SRF: variants seen among roughly 807,000 people sequenced by gnomAD.
The protein encoded by SRF is serum response factor.
In SRF, 7 loss-of-function variants were observed where a neutral mutation model predicts 37.1. The ratio of observed to expected loss-of-function variants is 0.19; its 90% CI spans 0.11 to 0.35. The LOEUF is 0.35. SRF is among the 10% of genes least tolerant of loss of function. The pLI is 1.00. For synonymous variants in SRF, 285 were observed against 310.1 expected, an observed-to-expected ratio of 0.92 and a Z score of 0.85; for missense variants, 395 against 694.4, an observed-to-expected ratio of 0.57 and a Z score of 4.85.
At position 43,179,006 on chromosome 6, in the gene SRF, C is replaced by T. The variant is rs1241261679; in HGVS notation, c.1432-89C>T. On this transcript the variant is annotated intron_variant, in intron 6 of 6. Coordinates refer to ENST00000265354, the MANE Select transcript of SRF (RefSeq NM_003131.4). This position sits in a 1 kb window ranked among gnomAD's most constrained non-coding sequence, Gnocchi z 5.3. ...CTGGAAGCCCATCTGCTTTTCTGCT[C>T]AGGCCTGTGGTTGGCAGGCAGGGAA... 9 of 1,573,442 alleles carry T rather than the reference C, an allele frequency of 5.7e-6. No homozygotes were observed. The East Asian group carries it at 1.1e-4, about 20-fold the overall frequency.
At chr6:43,177,292 C>T (rs1390712426) in intron 4 of SRF, among the ~76,000 whole-genome samples, 1 of 144,382 alleles carries the variant, frequency 6.9e-6, no homozygotes, top group African/African-American at 2.7e-5. Context: ...TGCAGTGGCA[C>T]CATCTCGGCT....
rs1772337824 is a variant in SRF, at chr6:43,181,401, A to G, written c.*2211A>G. The G allele has an allele frequency of 6.6e-6, 1 of 152,488 alleles. No individual in the cohort carries two copies. Among genetic ancestry groups the G allele is most frequent in the African/African-American group, 2.4e-5 (1 of 41,302 alleles). The allele number at this position is 152,488 out of a possible 1,614,324, so 9.4% of individuals were successfully genotyped here. A position where few individuals can be genotyped will look rare whatever the true frequency, so the allele number is the denominator to read the frequency against. On this transcript the variant is annotated 3_prime_UTR_variant, in exon 7 of 7. Transcript: ENST00000265354. ...GTCAGTGGTTTCTACTTCCCCTGGG[A>G]TGCTGACCCAGGAATAGTGGACATG... is the stretch of plus-strand genomic sequence containing the variant.
chr6:43,175,827 A>G lies in SRF; in HGVS notation c.902A>G (p.Asn301Ser), dbSNP rs1255718252. The stretch of plus-strand genomic sequence containing the variant: ...AGCGGCCCCTCCTTTCCCATCACCA[A>G]CTACCTGGCACCAGTGTCTGCTAGT... ...VSSGPSFPIT[N>S]YLAPVSASVS... Residue 301 changes from asparagine to serine, a missense_variant, in exon 3 of 7, where the codon AAC (asparagine) becomes AGC (serine). Asn to Ser is a conservative substitution (Grantham distance 46). Transcript: ENST00000265354. 1.2e-6 allele frequency: 2 copies of G among 1,614,028 alleles called. No individual in the cohort carries two copies. Among genetic ancestry groups the G allele is most frequent in the Admixed American group, 1.7e-5 (1 of 60,004 alleles).
rs986424000 is a variant in SRF at position 43,180,748 on chromosome 6, G to A, written c.*1558G>A. The A allele has an allele frequency of 2.0e-5, 3 of 152,420 alleles. No homozygotes were observed. Among genetic ancestry groups the A allele is most frequent in the African/African-American group, 7.2e-5 (3 of 41,440 alleles). The allele number at this position is 152,420 out of a possible 1,614,324, so 9.4% of individuals were successfully genotyped here. ...TTCAGAAACAGGGCAGCAGTGGGGT[G>A]AAATTTTCTTAACCCCTAAGACTGC... On this transcript the variant is annotated 3_prime_UTR_variant, in exon 7 of 7. Coordinates refer to ENST00000265354, the MANE Select transcript of SRF (RefSeq NM_003131.4).
rs776836926 is a variant in SRF, at chr6:43,172,948, G to A, written c.513+779G>A. ...CTTCTGCCAGCCAGTGAAAAGTGTT[G>A]AGGAAAGGAGTCATTTTGGGGTGTA... On this transcript the variant is annotated intron_variant, in intron 1 of 6. Transcript: ENST00000265354. This position sits in a 1 kb window ranked among gnomAD's most constrained non-coding sequence, Gnocchi z 5.7. 3.9e-5 allele frequency among the ~76,000 whole-genome samples: 6 copies of A among 152,174 alleles called. No homozygotes were observed. The highest frequency in any genetic ancestry group is 5.9e-5 in the Non-Finnish European group (4 of 68,028).
rs1772125566 is a variant in SRF at position 43,172,362 on chromosome 6, G to T, written c.513+193G>T. The T allele has an allele frequency of 1.0e-6, 1 of 985,324 alleles. No homozygotes were observed. The highest frequency in any genetic ancestry group is 1.2e-6 in the Non-Finnish European group (1 of 829,896). The allele number at this position is 985,324 out of a possible 1,614,324, so 61.0% of individuals were successfully genotyped here. On this transcript the variant is annotated intron_variant, in intron 1 of 6. Coordinates refer to ENST00000265354, the MANE Select transcript of SRF (RefSeq NM_003131.4). This position sits in a 1 kb window ranked among gnomAD's most constrained non-coding sequence, Gnocchi z 5.7. The stretch of plus-strand genomic sequence containing the variant: ...GCCGGGGAAATGTGGGGAGAGGGGA[G>T]ATCCCGCGAACGCTCGCAACCGTGG...
chr6:43,178,475 C>T lies in SRF; in HGVS notation c.1344C>T (p.Val448=), dbSNP rs1053309895. ...PSTMQVSHSQ[V]QEPGGVPQVF... is the part of the protein sequence containing the mutation. ...CCATGCAGGTGTCACACAGCCAGGT[C>T]CAGGAGCCAGGTGAGTAGAGGAGCA... The change falls in exon 5 of 7, where the codon GTC becomes GTT. Residue 448 remains valine (V), a synonymous_variant. Coordinates refer to ENST00000265354, the MANE Select transcript of SRF (RefSeq NM_003131.4). The surrounding 1 kb of genome is among the most constrained non-coding windows in gnomAD (Gnocchi z 4.3). 6.2e-7 allele frequency: 1 copy of T among 1,613,112 alleles called. No individual in the cohort carries two copies. Among genetic ancestry groups the T allele is most frequent in the Non-Finnish European group, 8.5e-7 (1 of 1,179,376 alleles).
In SRF at chr6:43,179,362, T is replaced by C; in HGVS notation, c.*172T>C. On this transcript the variant is annotated 3_prime_UTR_variant, in exon 7 of 7. Coordinates refer to ENST00000265354, the MANE Select transcript of SRF (RefSeq NM_003131.4). The surrounding 1 kb of genome is among the most constrained non-coding windows in gnomAD (Gnocchi z 5.3). The stretch of plus-strand genomic sequence containing the variant: ...CTCCAGCCAAAGAAATGGGCCTGCC[T>C]GCCTCCACCCGTCCTCCCTCAGCCT... 1 of 655,686 alleles carries C rather than the reference T, an allele frequency of 1.5e-6. No homozygotes were observed. The highest frequency in any genetic ancestry group is 2.6e-5 in the Admixed American group (1 of 39,022). 40.6% of individuals were successfully genotyped at this position (655,686 alleles called of 1,614,324 possible).
chr6:43,178,549 A>G lies in SRF; in HGVS notation c.1354+64A>G. On this transcript the variant is annotated intron_variant, in intron 5 of 6. Transcript: ENST00000265354. This position sits in a 1 kb window ranked among gnomAD's most constrained non-coding sequence, Gnocchi z 4.3. ...TCCTTCTTTATACACACACACACAC[A>G]CACATACACACACATATGCACTGAT... The G allele has an allele frequency of 2.0e-6, 3 of 1,513,874 alleles. No homozygotes were observed. The highest frequency in any genetic ancestry group is 2.4e-5 in the South Asian group (2 of 83,378). 93.8% of individuals were successfully genotyped at this position (1,513,874 alleles called of 1,614,324 possible). A position where few individuals can be genotyped will look rare whatever the true frequency, so the allele number is the denominator to read the frequency against.
At position 43,173,647 on chromosome 6, in the gene SRF, C is replaced by A. The variant is rs931743172; in HGVS notation, c.514-200C>A. Among the ~76,000 whole-genome samples the A allele has an allele frequency of 9.2e-5, 14 of 152,236 alleles. No homozygotes were observed. The highest frequency in any genetic ancestry group is 7.8e-4 in the Admixed American group (12 of 15,288). On this transcript the variant is annotated intron_variant, in intron 1 of 6. Coordinates refer to ENST00000265354, the MANE Select transcript of SRF (RefSeq NM_003131.4). This position sits in a 1 kb window ranked among gnomAD's most constrained non-coding sequence, Gnocchi z 4.2. Reference sequence around the variant, plus strand: ...TTGGGGTATCTTCAGGTCAATGGGGCTGCTCCTCAAAGGAGGAGCATGGGT... The same window carrying A: ...TTGGGGTATCTTCAGGTCAATGGGGATGCTCCTCAAAGGAGGAGCATGGGT...
In SRF at chr6:43,172,535, G is replaced by A. The variant is rs532931511; in HGVS notation, c.513+366G>A. The A allele has an allele frequency of 1.1e-6, 1 of 907,970 alleles. No homozygotes were observed. The highest frequency in any genetic ancestry group is 1.8e-5 in the African/African-American group (1 of 55,598). The allele number at this position is 907,970 out of a possible 1,614,324, so 56.2% of individuals were successfully genotyped here. A position where few individuals can be genotyped will look rare whatever the true frequency, so the allele number is the denominator to read the frequency against. On this transcript the variant is annotated intron_variant, in intron 1 of 6. Coordinates refer to ENST00000265354, the MANE Select transcript of SRF (RefSeq NM_003131.4). The surrounding 1 kb of genome is among the most constrained non-coding windows in gnomAD (Gnocchi z 5.7). ...GGATCAGTAGGTCCAGTGCACTCCGGTGTTCGGACGAGGGCGCCGGAAAAG... is the reference window on the plus strand; with the variant it reads ...GGATCAGTAGGTCCAGTGCACTCCGATGTTCGGACGAGGGCGCCGGAAAAG...
At chr6:43,175,672 G>GT in intron 2 of SRF, 34 bp from the exon 3 acceptor site, 1 of 1,610,802 alleles carries the variant, frequency 6.2e-7, no homozygotes, top group South Asian at 1.1e-5. Context: ...GGATCTGGTA[G>GT]GGGCTCATTG....
Position 43,171,482 on chromosome 6 carries a change from A to T in SRF, c.-175A>T. ...CCCGGGCCACAGGGGCAGGAAAGTG[A>T]GGGCCCAGGTCGGCCCGGGCGTGCA... On this transcript the variant is annotated 5_prime_UTR_variant, in exon 1 of 7. Coordinates refer to ENST00000265354, the MANE Select transcript of SRF (RefSeq NM_003131.4). This position sits in a 1 kb window ranked among gnomAD's most constrained non-coding sequence, Gnocchi z 6.5. 1 of 590,526 alleles carries T rather than the reference A, an allele frequency of 1.7e-6. No individual in the cohort carries two copies. The highest frequency in any genetic ancestry group is 2.4e-6 in the Non-Finnish European group (1 of 423,250). The allele number at this position is 590,526 out of a possible 1,614,324, so 36.6% of individuals were successfully genotyped here. A position where few individuals can be genotyped will look rare whatever the true frequency, so the allele number is the denominator to read the frequency against.
chr6:43,175,627 G>GT, intron 2 of SRF, 79 bp from the exon 3 acceptor site: 1 of 1,580,522 alleles, frequency 6.3e-7, no homozygotes, highest in Non-Finnish European at 8.7e-7. Flanking sequence ...GTTTCAGTCT[G>GT]GGTTCTCAGT....
chr6:43,171,617 T>G lies in SRF; in HGVS notation c.-40T>G. ...TGGCGGCGGCTGCGGCGGCTCCGAT[T>G]CCTCGCTGACTGCCCGTCCGCCCTC... On this transcript the variant is annotated 5_prime_UTR_variant, in exon 1 of 7. In the 5' UTR this introduces an upstream ATG that the reference lacks. Transcript: ENST00000265354. This position sits in a 1 kb window ranked among gnomAD's most constrained non-coding sequence, Gnocchi z 6.5. 1 of 1,188,772 alleles carries G rather than the reference T, an allele frequency of 8.4e-7. No individual in the cohort carries two copies. The highest frequency in any genetic ancestry group is 3.6e-5 in the East Asian group (1 of 28,006). 73.6% of individuals were successfully genotyped at this position (1,188,772 alleles called of 1,614,324 possible).
rs566098706 is a variant in SRF, at chr6:43,179,623, T to G, written c.*433T>G. 3.4e-5 allele frequency: 7 copies of G among 207,538 alleles called. No individual in the cohort carries two copies. In the East Asian group the frequency reaches 8.4e-4, roughly 25 times the overall value. The allele number at this position is 207,538 out of a possible 1,614,324, so 12.9% of individuals were successfully genotyped here. A position where few individuals can be genotyped will look rare whatever the true frequency, so the allele number is the denominator to read the frequency against. On this transcript the variant is annotated 3_prime_UTR_variant, in exon 7 of 7. Coordinates refer to ENST00000265354, the MANE Select transcript of SRF (RefSeq NM_003131.4). This position sits in a 1 kb window ranked among gnomAD's most constrained non-coding sequence, Gnocchi z 5.3. ...GCTGACCCCAGGTCAGCCCTGTGTC[T>G]GTCACAGGCTGGGTCAAAAGAGCCC...
intron 2 of SRF, 122 bp downstream of exon 2, chr6:43,174,235 C>G (rs1772157125): frequency 2.3e-6 from 3 of 1,293,728 alleles, no homozygotes; most frequent in African/African-American, 3.0e-5. Context: ...GACCCTCGTC[C>G]TAGGGGACAG....
chr6:43,171,603 G>T lies in SRF; in HGVS notation c.-54G>T. On this transcript the variant is annotated 5_prime_UTR_variant, in exon 1 of 7. Transcript: ENST00000265354. The surrounding 1 kb of genome is among the most constrained non-coding windows in gnomAD (Gnocchi z 6.5). ...AGCCGGGAAGCCGATGGCGGCGGCT[G>T]CGGCGGCTCCGATTCCTCGCTGACT... 1 of 1,183,270 alleles carries T rather than the reference G, an allele frequency of 8.5e-7. No homozygotes were observed. Among genetic ancestry groups the T allele is most frequent in the Non-Finnish European group, 1.0e-6 (1 of 955,126 alleles). The allele number at this position is 1,183,270 out of a possible 1,614,324, so 73.3% of individuals were successfully genotyped here. A position where few individuals can be genotyped will look rare whatever the true frequency, so the allele number is the denominator to read the frequency against.
In SRF at chr6:43,172,256, C is replaced by CGGAGGTGA; in HGVS notation, c.513+89_513+96dup. The CGGAGGTGA allele has an allele frequency of 6.8e-7, 1 of 1,474,582 alleles. No homozygotes were observed. Among genetic ancestry groups the CGGAGGTGA allele is most frequent in the Non-Finnish European group, 9.0e-7 (1 of 1,112,206 alleles). 91.3% of individuals were successfully genotyped at this position (1,474,582 alleles called of 1,614,324 possible). A position where few individuals can be genotyped will look rare whatever the true frequency, so the allele number is the denominator to read the frequency against. On this transcript the variant is annotated intron_variant, in intron 1 of 6. Transcript: ENST00000265354. The surrounding 1 kb of genome is among the most constrained non-coding windows in gnomAD (Gnocchi z 5.7). Reference sequence around the variant, plus strand: ...GCCCGGGAGGACCGCAGAGCCGAGGCGGAGGTGAGAGGCTGCGAGTCCGCA... The same window carrying CGGAGGTGA: ...GCCCGGGAGGACCGCAGAGCCGAGGCGGAGGTGAGGAGGTGAGAGGCTGCGAGTCCGCA...
Sources: gnomAD v4.1 joint callset for allele counts (sites outside exome capture counted in the v4.1 genomes callset) on GRCh38, gnomAD v4.1.1 for gene constraint, Gnocchi (gnomAD v3.1) non-coding constraint, MANE v1.5 for transcripts, NCBI Gene and HGNC (gene_info 2026-07-23, HGNC 2026-07-21) for gene names.